Variants in SLC24A2 observed in about 807,000 individuals in gnomAD.
SLC24A2 encodes the protein solute carrier family 24 member 2, also known as sodium/potassium/calcium exchanger 2.
Under a neutral mutation model 62.0 loss-of-function variants are expected in SLC24A2, and 36 were observed. The observed-to-expected ratio is 0.58, with a 90% CI of 0.44 to 0.77. The LOEUF (loss-of-function observed/expected upper bound fraction) is 0.77, where lower values mean the gene tolerates loss of function less well. SLC24A2 is among the 30% of genes least tolerant of loss of function. The pLI, the probability that SLC24A2 is intolerant of heterozygous loss-of-function variation, is 0.00. For missense variants in SLC24A2, 846 were observed against 817.9 expected (o/e 1.03, Z -0.42); for synonymous variants, 358 against 294.0 (o/e 1.22, Z -2.23).
intron 2 of SLC24A2, among the ~76,000 whole-genome samples, chr9:19,749,993 G>T (rs1394376254): frequency 2.0e-5 from 3 of 152,194 alleles, no homozygotes; most frequent in Non-Finnish European, 2.9e-5. Context: ...CAAAGCACAT[G>T]CCTGCTAGAC....
At chr9:20,226,219 C>T in the SLC24A2 span, among the ~76,000 whole-genome samples, 1 of 152,068 alleles carries the variant, frequency 6.6e-6, no homozygotes, top group African/African-American at 2.4e-5. Flanking sequence ...GCTCCACACA[C>T]CATAGTGCCA....
At chr9:20,205,404 T>G in the SLC24A2 span, among the ~76,000 whole-genome samples, 1 of 151,978 alleles carries the variant, frequency 6.6e-6, no homozygotes, top group East Asian at 1.9e-4. Context: ...ATCTCAGCAC[T>G]TTGGGAGGCC....
intron 2 of SLC24A2, among the ~76,000 whole-genome samples, chr9:19,702,839 A>G (rs1280481990): frequency 2.0e-5 from 3 of 152,232 alleles, no homozygotes; most frequent in Non-Finnish European, 4.4e-5. Context: ...ATTGCTTGCC[A>G]TAAATAGAAA....
chr9:19,633,715 G>A (rs1818234279), intron 2 of SLC24A2, among the ~76,000 whole-genome samples: 1 of 152,060 alleles, frequency 6.6e-6, no homozygotes, highest in Non-Finnish European at 1.5e-5. Flanking sequence ...ATCTTTTCGT[G>A]TGCTTATTTG....
chr9:19,593,509 T>A (rs1037467811), intron 5 of SLC24A2, among the ~76,000 whole-genome samples: 1 of 152,158 alleles, frequency 6.6e-6, no homozygotes, highest in African/African-American at 2.4e-5. Context: ...TCAAACGTCA[T>A]GATTTTGTCT....
Position 19,785,837 on chromosome 9 carries a change from C to T in SLC24A2, c.930+100G>A, listed in dbSNP as rs559689811. The T allele has an allele frequency of 1.6e-3, 2,408 of 1,486,560 alleles. 4 individuals carry two copies. Among genetic ancestry groups the T allele is most frequent in the Non-Finnish European group, 1.8e-3 (1,929 of 1,072,134 alleles). 92.1% of individuals were successfully genotyped at this position (1,486,560 alleles called of 1,614,324 possible). ...GAATCAATCTGCTATCCACAAGAGC[C>T]CCAAACACCATCACATCAAAAGAAC... is the stretch of plus-strand genomic sequence containing the variant. On this transcript the variant is annotated intron_variant, in intron 2 of 10. Coordinates refer to ENST00000341998, the MANE Select transcript of SLC24A2 (RefSeq NM_020344.4).
the SLC24A2 span, among the ~76,000 whole-genome samples, chr9:19,895,083 C>A: frequency 2.0e-5 from 3 of 152,150 alleles, no homozygotes; most frequent in Non-Finnish European, 4.4e-5. Context: ...AAGAAGTAAA[C>A]ATCATCACAT....
chr9:20,250,733 A>T, the SLC24A2 span, among the ~76,000 whole-genome samples: 227 of 152,150 alleles, frequency 1.5e-3, no homozygotes, highest in African/African-American at 5.3e-3. Context: ...ATCTTAATTT[A>T]AAAAAAAGAA....
At chr9:19,664,843 C>G (rs1819202894) in intron 2 of SLC24A2, among the ~76,000 whole-genome samples, 1 of 152,122 alleles carries the variant, frequency 6.6e-6, no homozygotes, top group Non-Finnish European at 1.5e-5. Context: ...TAGGAAGAGG[C>G]AAGGAAGGGT....
chr9:19,908,887 C>T, the SLC24A2 span, among the ~76,000 whole-genome samples: 5,294 of 152,056 alleles, frequency 0.035, 286 homozygotes, highest in African/African-American at 0.11. Context: ...GTTGGTGGGA[C>T]TGTAAACTAG....
At chr9:19,769,212 A>C (rs1355604432) in intron 2 of SLC24A2, among the ~76,000 whole-genome samples, 1 of 152,202 alleles carries the variant, frequency 6.6e-6, no homozygotes, top group Non-Finnish European at 1.5e-5. Flanking sequence ...TCTCAGTGTC[A>C]CCCTCGATTT....
chr9:19,564,535 T>C (rs1281335952), intron 7 of SLC24A2, among the ~76,000 whole-genome samples: 1 of 91,006 alleles, frequency 1.1e-5, no homozygotes, highest in Non-Finnish European at 2.5e-5. Flanking sequence ...TACCTATCTC[T>C]CTCTGTATCT....
the SLC24A2 span, among the ~76,000 whole-genome samples, chr9:20,275,034 A>T: frequency 6.6e-6 from 1 of 152,092 alleles, no homozygotes; most frequent in Non-Finnish European, 1.5e-5. Context: ...AAGGCAATAT[A>T]CCTGAGGCCT....
chr9:20,007,169 A>G, the SLC24A2 span, among the ~76,000 whole-genome samples: 1 of 152,186 alleles, frequency 6.6e-6, no homozygotes, highest in East Asian at 1.9e-4. Context: ...CTGAGCAAAT[A>G]AAAAACAGTT....
the SLC24A2 span, among the ~76,000 whole-genome samples, chr9:20,004,203 C>T: frequency 2.6e-5 from 4 of 152,200 alleles, no homozygotes; most frequent in Admixed American, 6.5e-5. Flanking sequence ...CTCATGCAAT[C>T]GCCATTTGCT....
Position 19,514,463 on chromosome 9 carries a change from G to A in SLC24A2, c.*1690C>T, listed in dbSNP as rs1832851227. The A allele has an allele frequency of 6.6e-6, 1 of 152,160 alleles. No individual in the cohort carries two copies. The highest frequency in any genetic ancestry group is 2.4e-5 in the African/African-American group (1 of 41,442). 9.4% of individuals were successfully genotyped at this position (152,160 alleles called of 1,614,324 possible). A position where few individuals can be genotyped will look rare whatever the true frequency, so the allele number is the denominator to read the frequency against. ...GATTTTAAGGAAAGCATGACTTGGA[G>A]AAAAGAAAAGTGCTCTACATAGTTT... On this transcript the variant is annotated 3_prime_UTR_variant, in exon 11 of 11. Coordinates refer to ENST00000341998, the MANE Select transcript of SLC24A2 (RefSeq NM_020344.4).
chr9:19,943,382 G>A, the SLC24A2 span, among the ~76,000 whole-genome samples: 1 of 152,030 alleles, frequency 6.6e-6, no homozygotes, highest in Admixed American at 6.5e-5. Context: ...CTATTCTAGC[G>A]ATCTTTCATA....
chr9:20,170,328 C>G, the SLC24A2 span, among the ~76,000 whole-genome samples: 1 of 151,950 alleles, frequency 6.6e-6, no homozygotes, highest in African/African-American at 2.4e-5. Context: ...GGTAGCACTC[C>G]CATCAACTAA....
At chr9:19,854,148 CT>C in the SLC24A2 span, among the ~76,000 whole-genome samples, 1 of 152,048 alleles carries the variant, frequency 6.6e-6, no homozygotes, top group Non-Finnish European at 1.5e-5. Flanking sequence ...TGGTGATATC[CT>C]TTTTTATCAT....
Sources: gnomAD v4.1 joint callset for allele counts (sites outside exome capture counted in the v4.1 genomes callset) on GRCh38, gnomAD v4.1.1 for gene constraint, MANE v1.5 for transcripts, NCBI Gene and HGNC (gene_info 2026-07-23, HGNC 2026-07-21) for gene names.